The following AFF2 variants were observed in gnomAD, a reference collection of about 807,000 sequenced individuals.
The protein encoded by AFF2 is ALF transcription elongation factor 2.
In AFF2, 14 loss-of-function variants were observed where a neutral mutation model predicts 76.9. The ratio of observed to expected loss-of-function variants is 0.18; its 90% CI spans 0.12 to 0.28. The LOEUF is 0.28. Among genes scored for constraint, AFF2 ranks in the 10% least tolerant of loss-of-function variants. The pLI is 1.00. For missense variants in AFF2, 868 were observed against 1,001.1 expected (o/e 0.87, Z 1.79); for synonymous variants, 398 against 366.7 (o/e 1.09, Z -0.98).
At chrX:148,932,929 T>C (rs1412670285) in intron 9 of AFF2, among the ~76,000 whole-genome samples, 1 of 111,969 alleles carries the variant, frequency 8.9e-6, no homozygotes, top group East Asian at 2.8e-4. Flanking sequence ...GCTAGTGGAG[T>C]TTATATTCTC....
chrX:148,612,708 G>A (rs1310163954), intron 1 of AFF2, among the ~76,000 whole-genome samples: 1 of 112,032 alleles, frequency 8.9e-6, no homozygotes, highest in African/African-American at 3.2e-5. Flanking sequence ...CAGACATTTT[G>A]TACAAGAGAA....
intron 3 of AFF2, among the ~76,000 whole-genome samples, chrX:148,736,409 T>A (rs1557265083): frequency 1.8e-5 from 2 of 112,300 alleles, no homozygotes; most frequent in African/African-American, 3.2e-5. Context: ...TGGTCATTTG[T>A]ATATCTTCTT....
At chrX:148,908,430 G>C (rs1328864985) in intron 9 of AFF2, among the ~76,000 whole-genome samples, 1 of 112,002 alleles carries the variant, frequency 8.9e-6, no homozygotes, top group African/African-American at 3.2e-5. Flanking sequence ...CACAATTTAT[G>C]TTCTTCTACC....
At chrX:148,674,574 A>G (rs1175377471) in intron 3 of AFF2, among the ~76,000 whole-genome samples, 1 of 112,124 alleles carries the variant, frequency 8.9e-6, no homozygotes, top group Non-Finnish European at 1.9e-5. Context: ...CTTTAACACC[A>G]CAAATCTCAC....
rs782078985 is a variant in AFF2, at chrX:148,785,948, CT to C, written c.1042-23927del. On this transcript the variant is annotated intron_variant, in intron 3 of 20. Transcript: ENST00000370460. ...ACTGTTGGACAAGGAACAGAATTGA[CT>C]CACTTCGTACCCAGGTCTCTGTCCC... is the stretch of plus-strand genomic sequence containing the variant. Among the ~76,000 whole-genome samples the C allele has an allele frequency of 2.2e-4, 25 of 111,654 alleles. 1 individual carries two copies. Among genetic ancestry groups the C allele is most frequent in the Admixed American group, 9.5e-4 (10 of 10,505 alleles).
intron 3 of AFF2, among the ~76,000 whole-genome samples, chrX:148,715,539 C>T (rs2055016537): frequency 9.0e-6 from 1 of 111,251 alleles, no homozygotes; most frequent in African/African-American, 3.3e-5. Context: ...GGGGAGCAGA[C>T]CACAGAGAAG....
chrX:148,830,118 C>A (rs527955727), intron 4 of AFF2, among the ~76,000 whole-genome samples: 1 of 112,000 alleles, frequency 8.9e-6, no homozygotes, highest in South Asian at 3.8e-4. Flanking sequence ...GATGGGACAT[C>A]CAGGAGAGCA....
chrX:148,963,093 ATTTC>A (rs1276789274), intron 13 of AFF2, among the ~76,000 whole-genome samples, 156 bp downstream of exon 13: 6 of 111,972 alleles, frequency 5.4e-5, no homozygotes, highest in African/African-American at 1.9e-4. Context: ...ACTTTCCATT[ATTTC>A]TTTTTGTATA....
chrX:148,860,190 C>T (rs183093977), intron 7 of AFF2, among the ~76,000 whole-genome samples: 28 of 111,619 alleles, frequency 2.5e-4, no homozygotes, highest in African/African-American at 8.8e-4. Flanking sequence ...ATCAAAATGC[C>T]GTATTTCAGC....
intron 1 of AFF2, among the ~76,000 whole-genome samples, chrX:148,584,550 T>A (rs782753937): frequency 1.1e-5 from 1 of 92,834 alleles, no homozygotes; most frequent in Non-Finnish European, 2.1e-5. Context: ...TGGAGTTAAA[T>A]GAAATGATTT....
intron 20 of AFF2, among the ~76,000 whole-genome samples, chrX:148,989,982 TG>T (rs1557292081): frequency 8.9e-6 from 1 of 112,203 alleles, no homozygotes; most frequent in Non-Finnish European, 1.9e-5. Flanking sequence ...GGGAACATCC[TG>T]GCTCATATGA....
At chrX:148,526,915 A>G (rs1283623103) in intron 1 of AFF2, among the ~76,000 whole-genome samples, 2 of 112,120 alleles carry the variant, frequency 1.8e-5, no homozygotes, top group Non-Finnish European at 3.8e-5. Flanking sequence ...TATTTAGTCA[A>G]TCCAAATGTG....
In AFF2 at chrX:148,792,314, A is replaced by C. The variant is rs73638190; in HGVS notation, c.1042-17562A>C. On this transcript the variant is annotated intron_variant, in intron 3 of 20. Coordinates refer to ENST00000370460, the MANE Select transcript of AFF2 (RefSeq NM_002025.4). Reference sequence around the variant, plus strand: ...ATTTATATACAAAAATTAGCCGGGCATGGTGGCACATGCCTGTAATCCCAG... The same window carrying C: ...ATTTATATACAAAAATTAGCCGGGCCTGGTGGCACATGCCTGTAATCCCAG... Among the ~76,000 whole-genome samples the C allele has an allele frequency of 7.3e-3, 821 of 112,533 alleles. 6 individuals carry two copies. The highest frequency in any genetic ancestry group is 0.025 in the African/African-American group (771 of 31,026).
rs782310998 is a variant in AFF2 at position 148,552,366 on chromosome X, G to A, written c.47+51222G>A. ...TGTGTCAACTCTGACTTGATGTACA[G>A]CTTGAACTGGCTATTTTGTCCTCTA... On this transcript the variant is annotated intron_variant, in intron 1 of 20. Transcript: ENST00000370460. Among the ~76,000 whole-genome samples the A allele has an allele frequency of 4.5e-5, 5 of 111,776 alleles. No homozygotes were observed. In the South Asian group the frequency reaches 1.9e-3, roughly 42 times the overall value.
chrX:148,544,510 C>T (rs782706808), intron 1 of AFF2, among the ~76,000 whole-genome samples: 23 of 112,320 alleles, frequency 2.0e-4, no homozygotes, highest in Non-Finnish European at 1.3e-4. Context: ...ACATGTGTCT[C>T]AGTTTGCCTC....
At chrX:148,716,013 C>CTG (rs1429486439) in intron 3 of AFF2, among the ~76,000 whole-genome samples, 14 of 109,682 alleles carry the variant, frequency 1.3e-4, no homozygotes, top group Middle Eastern at 4.7e-3. Context: ...CTCTCTCTCT[C>CTG]TGTGTGTGTG....
At chrX:148,510,944 T>C (rs1557233050) in intron 1 of AFF2, among the ~76,000 whole-genome samples, 1 of 112,337 alleles carries the variant, frequency 8.9e-6, no homozygotes, top group Non-Finnish European at 1.9e-5. Flanking sequence ...AGAGAAGTGC[T>C]AAAATCACAA....
intron 3 of AFF2, among the ~76,000 whole-genome samples, chrX:148,798,918 G>A (rs185151913): frequency 1.8e-5 from 2 of 111,625 alleles, no homozygotes; most frequent in East Asian, 5.6e-4. Flanking sequence ...TCAGGGGTCA[G>A]TTTTTGCAGA....
chrX:148,522,955 A>T (rs1300562973), intron 1 of AFF2, among the ~76,000 whole-genome samples: 1 of 112,388 alleles, frequency 8.9e-6, no homozygotes, highest in Admixed American at 9.4e-5. Context: ...CAAGGAAATC[A>T]TGCAAATTTC....
Sources: allele counts gnomAD v4.1 joint callset (sites outside exome capture counted in the v4.1 genomes callset), GRCh38; gene constraint gnomAD v4.1.1; transcripts MANE v1.5; gene names NCBI Gene and HGNC (gene_info 2026-07-23, HGNC 2026-07-21).